Variants in PRKCB observed in about 807,000 individuals in gnomAD.
The protein encoded by PRKCB is protein kinase C beta, also known as protein kinase C beta type.
In PRKCB, 13 loss-of-function variants were observed where a neutral mutation model predicts 81.5. That is an observed-to-expected ratio of 0.16 (90% confidence interval 0.10 to 0.25). The LOEUF (loss-of-function observed/expected upper bound fraction) is 0.25. PRKCB is among the 10% of genes least tolerant of loss of function. The pLI is 1.00. For synonymous variants in PRKCB, 335 were observed against 321.4 expected (o/e 1.04, Z -0.45); for missense variants, 509 against 875.7 (o/e 0.58, Z 5.29).
Position 24,218,576 on chromosome 16 carries a change from C to G in PRKCB, c.*3760C>G. The G allele has an allele frequency of 1.0e-6, 1 of 985,434 alleles. No individual in the cohort carries two copies. The highest frequency in any genetic ancestry group is 4.7e-5 in the South Asian group (1 of 21,290). The allele number at this position is 985,434 out of a possible 1,614,324, so 61.0% of individuals were successfully genotyped here. ...AGGGAACTCCATAGAGACATTTTAC[C>G]TATCTCAGGGGAGCAGCCACAAAGA... On this transcript the variant is annotated 3_prime_UTR_variant, in exon 17 of 17. Transcript: ENST00000643927.
rs1968234014 is a variant in PRKCB at position 24,216,774 on chromosome 16, A to G, written c.*1958A>G. Reference sequence around the variant, plus strand: ...GTTTAGGCAGTAAGAGAAGGAGGGAAATCGGAGCAAAGCTCCCTCACTTTA... The same window carrying G: ...GTTTAGGCAGTAAGAGAAGGAGGGAGATCGGAGCAAAGCTCCCTCACTTTA... On this transcript the variant is annotated 3_prime_UTR_variant, in exon 17 of 17. Coordinates refer to ENST00000643927, the MANE Select transcript of PRKCB (RefSeq NM_002738.7). The G allele has an allele frequency of 1.0e-6, 1 of 985,364 alleles. No homozygotes were observed. Among genetic ancestry groups the G allele is most frequent in the African/African-American group, 1.7e-5 (1 of 57,246 alleles). The allele number at this position is 985,364 out of a possible 1,614,324, so 61.0% of individuals were successfully genotyped here.
Position 24,220,310 on chromosome 16 carries a change from G to T in PRKCB, c.*5494G>T. 3.4e-6 allele frequency: 2 copies of T among 583,458 alleles called. No homozygotes were observed. The highest frequency in any genetic ancestry group is 5.5e-6 in the Non-Finnish European group (2 of 361,064). 36.1% of individuals were successfully genotyped at this position (583,458 alleles called of 1,614,324 possible). ...TGAAAATGTTTAGTTTAGAATAAGCGCATTATCCAATTATAGAGGTACAAT... is the reference window on the plus strand; with the variant it reads ...TGAAAATGTTTAGTTTAGAATAAGCTCATTATCCAATTATAGAGGTACAAT... On this transcript the variant is annotated 3_prime_UTR_variant, in exon 17 of 17. Coordinates refer to ENST00000643927, the MANE Select transcript of PRKCB (RefSeq NM_002738.7).
intron 2 of PRKCB, chr16:23,869,282 G>C (rs534909647): frequency 6.3e-5 from 20 of 316,394 alleles, no homozygotes; most frequent in Middle Eastern, 1.1e-3. Context: ...CCTCAGCTGC[G>C]TCCTGGGATG....
chr16:24,016,161 G>A (rs981255118), intron 3 of PRKCB, among the ~76,000 whole-genome samples: 2 of 151,952 alleles, frequency 1.3e-5, no homozygotes, highest in Non-Finnish European at 2.9e-5. Flanking sequence ...GACAGTTAAG[G>A]TTAACTAGGG....
intron 16 of PRKCB, among the ~76,000 whole-genome samples, chr16:24,200,192 C>A (rs1173712550): frequency 6.6e-6 from 1 of 151,354 alleles, no homozygotes; most frequent in Non-Finnish European, 1.5e-5. Context: ...ATGAGGCAGC[C>A]GAGACAGGCT....
At chr16:24,084,742 C>CAAA in intron 5 of PRKCB, among the ~76,000 whole-genome samples, 1 of 152,200 alleles carries the variant, frequency 6.6e-6, no homozygotes, top group African/African-American at 2.4e-5. Context: ...TACCAAAGAT[C>CAAA]AATGGATGAG....
At chr16:23,869,700 T>C (rs1962871832) in intron 2 of PRKCB, among the ~76,000 whole-genome samples, 1 of 152,214 alleles carries the variant, frequency 6.6e-6, no homozygotes, top group South Asian at 2.1e-4. Flanking sequence ...AATTTTATCA[T>C]CGTATAAATA....
chr16:24,045,714 G>A (rs946662853), intron 5 of PRKCB, among the ~76,000 whole-genome samples: 1 of 152,162 alleles, frequency 6.6e-6, no homozygotes, highest in Admixed American at 6.5e-5. Context: ...TTAGCAATTC[G>A]GGATCTCAGC....
At chr16:23,859,680 G>A (rs548668520) in intron 2 of PRKCB, among the ~76,000 whole-genome samples, 18 of 152,214 alleles carry the variant, frequency 1.2e-4, no homozygotes, top group African/African-American at 4.3e-4. Flanking sequence ...GAGGTGCGGG[G>A]AGAAGCAAGA....
intron 2 of PRKCB, among the ~76,000 whole-genome samples, chr16:23,867,558 A>G (rs1231932732): frequency 6.6e-6 from 1 of 152,234 alleles, no homozygotes; most frequent in Non-Finnish European, 1.5e-5. Flanking sequence ...TCAATCTACT[A>G]GACACTGATC....
In PRKCB at chr16:23,961,116, G is replaced by A. The variant is rs77453110; in HGVS notation, c.206-27392G>A. On this transcript the variant is annotated intron_variant, in intron 2 of 16. Coordinates refer to ENST00000643927, the MANE Select transcript of PRKCB (RefSeq NM_002738.7). ...AAGAAATGAGGTCTCATTATGTTGC[G>A]CAGACTGGCCTTGGAATCCTAGGCT... is the stretch of plus-strand genomic sequence containing the variant. Among the ~76,000 whole-genome samples the A allele has an allele frequency of 4.5e-3, 688 of 151,530 alleles. 4 individuals are homozygous for A. The highest frequency in any genetic ancestry group is 0.016 in the African/African-American group (660 of 41,224).
intron 2 of PRKCB, among the ~76,000 whole-genome samples, chr16:23,985,615 T>G (rs1964793879): frequency 6.6e-6 from 1 of 152,192 alleles, no homozygotes; most frequent in South Asian, 2.1e-4. Context: ...ATTTCTAAAT[T>G]TAACACAATT....
chr16:23,945,379 G>A (rs1964191558), intron 2 of PRKCB, among the ~76,000 whole-genome samples: 1 of 152,216 alleles, frequency 6.6e-6, no homozygotes, highest in South Asian at 2.1e-4. Context: ...CTGTTGGGAT[G>A]TCTTTTTAAT....
chr16:23,978,279 G>T (rs196014), intron 2 of PRKCB, among the ~76,000 whole-genome samples: 20,306 of 152,158 alleles, frequency 0.13, 1,792 homozygotes, highest in Admixed American at 0.22. Flanking sequence ...TCAGTTCAGC[G>T]CAGTCCCCCC....
At chr16:24,174,634 G>T in intron 12 of PRKCB, 54 bp downstream of exon 12, 3 of 1,451,192 alleles carry the variant, frequency 2.1e-6, no homozygotes, top group Non-Finnish European at 1.9e-6. Flanking sequence ...GCTCCTCCCT[G>T]CCCTGCCTCT....
chr16:23,875,503 A>ATATATATATATATATATATATAT (rs1567298294), intron 2 of PRKCB, among the ~76,000 whole-genome samples: 3 of 28,952 alleles, frequency 1.0e-4, no homozygotes, highest in African/African-American at 2.7e-4. Context: ...ATATATATAT[A>ATATATATATATATATATATATAT]TATGATGTAT....
At chr16:24,046,437 AG>A (rs1037983682) in intron 5 of PRKCB, among the ~76,000 whole-genome samples, 37 of 152,360 alleles carry the variant, frequency 2.4e-4, no homozygotes, top group African/African-American at 8.7e-4. Context: ...TGAGAAAACA[AG>A]GAACACTATC....
intron 2 of PRKCB, among the ~76,000 whole-genome samples, chr16:23,987,203 C>A (rs193138782): frequency 3.3e-5 from 5 of 152,210 alleles, no homozygotes; most frequent in Non-Finnish European, 5.9e-5. Context: ...TGTAACAAAC[C>A]TGAATGTTCT....
chr16:24,004,297 T>C (rs891689788), intron 3 of PRKCB, among the ~76,000 whole-genome samples: 1 of 151,770 alleles, frequency 6.6e-6, no homozygotes, highest in Non-Finnish European at 1.5e-5. Flanking sequence ...GTTTTAAAAA[T>C]AAAAGGGACA....
Sources: allele counts gnomAD v4.1 joint callset (sites outside exome capture counted in the v4.1 genomes callset), GRCh38; gene constraint gnomAD v4.1.1; transcripts MANE v1.5; gene names NCBI Gene and HGNC (gene_info 2026-07-23, HGNC 2026-07-21).